The following TMC5 variants were observed in gnomAD, a reference collection of about 807,000 sequenced individuals.
TMC5 encodes the protein transmembrane channel like 5.
Under a neutral mutation model 110.5 loss-of-function variants are expected in TMC5, and 86 were observed. The observed-to-expected ratio is 0.78, with a 90% CI of 0.65 to 0.93. The LOEUF (loss-of-function observed/expected upper bound fraction) is 0.93. TMC5 is among the 40% of genes least tolerant of loss of function. The pLI is 0.00. For missense variants in TMC5, 1,144 were observed against 1,222.8 expected, an observed-to-expected ratio of 0.94 and a Z score of 0.96; for synonymous variants, 455 against 439.5, an observed-to-expected ratio of 1.04 and a Z score of -0.44.
At chr16:19,476,752 T>C (rs1395258940) in intron 12 of TMC5, among the ~76,000 whole-genome samples, 1 of 152,234 alleles carries the variant, frequency 6.6e-6, no homozygotes, top group Non-Finnish European at 1.5e-5. Flanking sequence ...CAGATCTCAG[T>C]GGCTTCGAAC....
At chr16:19,443,996 A>AATGGATGGATGG (rs144130376) in intron 3 of TMC5, 85 bp from the exon 4 acceptor site, 31,450 of 1,158,334 alleles carry the variant, frequency 0.027, 1,681 homozygotes, top group African/African-American at 0.21. Context: ...TACATGATTG[A>AATGGATGGATGG]ATGGATGGAT....
chr16:19,489,647 T>A (rs995580501), intron 17 of TMC5, among the ~76,000 whole-genome samples: 2 of 93,090 alleles, frequency 2.1e-5, no homozygotes, highest in Non-Finnish European at 4.3e-5. Flanking sequence ...CTGGCTAATT[T>A]TTTTTTTTTT....
chr16:19,467,455 T>TA (rs1056223069), intron 9 of TMC5, among the ~76,000 whole-genome samples: 50 of 152,054 alleles, frequency 3.3e-4, no homozygotes, highest in Admixed American at 9.2e-4. Flanking sequence ...GACCCCATTT[T>TA]AAAAAAATGT....
chr16:19,427,409 G>A (rs1967107369), intron 1 of TMC5, among the ~76,000 whole-genome samples: 1 of 152,178 alleles, frequency 6.6e-6, no homozygotes, highest in Non-Finnish European at 1.5e-5. Context: ...CTATCATCGT[G>A]CCACTGCACA....
At chr16:19,438,390 CAAAAA>C (rs60807937) in intron 2 of TMC5, among the ~76,000 whole-genome samples, 2 of 60,046 alleles carry the variant, frequency 3.3e-5, no homozygotes, top group Admixed American at 2.3e-4. Flanking sequence ...GACACCCTGT[CAAAAA>C]AAAAAAAAAA....
At chr16:19,456,518 A>G (rs1222213013) in intron 5 of TMC5, 1 of 1,365,618 alleles carries the variant, frequency 7.3e-7, no homozygotes, top group African/African-American at 1.5e-5. Context: ...GCAGGGAGTT[A>G]TGTTGTGATT....
chr16:19,467,719 T>C (rs907248891), intron 9 of TMC5, among the ~76,000 whole-genome samples: 13 of 152,034 alleles, frequency 8.6e-5, no homozygotes, highest in Admixed American at 5.2e-4. Flanking sequence ...TGACCTTAAG[T>C]GATCCACCCG....
chr16:19,459,381 AG>A (rs1341768665), intron 5 of TMC5, among the ~76,000 whole-genome samples: 1 of 152,134 alleles, frequency 6.6e-6, no homozygotes, highest in Non-Finnish European at 1.5e-5. Flanking sequence ...GGAGAAAAGG[AG>A]GGTGTACTTC....
chr16:19,434,352 C>A (rs1189045491), intron 2 of TMC5, among the ~76,000 whole-genome samples: 10 of 104,314 alleles, frequency 9.6e-5, no homozygotes, highest in East Asian at 2.6e-4. Context: ...ATTATATGAT[C>A]TATATTATAT....
chr16:19,487,637 G>C (rs1968780978), intron 17 of TMC5, among the ~76,000 whole-genome samples: 1 of 151,950 alleles, frequency 6.6e-6, no homozygotes. Context: ...GGGAGGTGGA[G>C]GTTGCAGTGA....
intron 1 of TMC5, among the ~76,000 whole-genome samples, chr16:19,429,616 G>C (rs988526122): frequency 2.0e-5 from 3 of 152,238 alleles, no homozygotes; most frequent in Non-Finnish European, 4.4e-5. Flanking sequence ...TCATCCTTGT[G>C]TTGGAGTTGT....
chr16:19,418,604 T>A (rs979839036), intron 1 of TMC5, among the ~76,000 whole-genome samples: 10 of 151,488 alleles, frequency 6.6e-5, no homozygotes, highest in African/African-American at 1.9e-4. Context: ...TTCTGAGATT[T>A]AAAAAAAAAT....
intron 14 of TMC5, among the ~76,000 whole-genome samples, chr16:19,480,804 C>CAAA (rs34237812): frequency 4.0e-5 from 3 of 75,208 alleles, no homozygotes; most frequent in South Asian, 4.5e-4. Context: ...GACTCCATCT[C>CAAA]AAAAAAAAAA....
At chr16:19,447,468 A>G (rs548916258) in intron 4 of TMC5, among the ~76,000 whole-genome samples, 3 of 152,342 alleles carry the variant, frequency 2.0e-5, no homozygotes, top group South Asian at 2.1e-4. Context: ...TTAATCTACT[A>G]TAACAGTTAA....
chr16:19,471,921 C>A (rs1219699961), intron 10 of TMC5, among the ~76,000 whole-genome samples, 167 bp from the exon 11 acceptor site: 2 of 152,084 alleles, frequency 1.3e-5, no homozygotes, highest in African/African-American at 4.8e-5. Flanking sequence ...CCACCACGCC[C>A]GGCTAATTTT....
intron 5 of TMC5, among the ~76,000 whole-genome samples, chr16:19,459,417 G>A (rs1967964173): frequency 1.3e-5 from 2 of 152,186 alleles, no homozygotes; most frequent in Non-Finnish European, 2.9e-5. Context: ...GGCATTCAGC[G>A]ATAGTCAAGG....
chr16:19,471,227 A>G (rs1434668358), intron 10 of TMC5, among the ~76,000 whole-genome samples: 1 of 152,060 alleles, frequency 6.6e-6, no homozygotes, highest in Non-Finnish European at 1.5e-5. Context: ...AGTAGTGGGG[A>G]CTATGGGTGC....
chr16:19,465,661 C>T (rs561044592), intron 8 of TMC5, among the ~76,000 whole-genome samples: 1 of 152,276 alleles, frequency 6.6e-6, no homozygotes, highest in South Asian at 2.1e-4. Flanking sequence ...CTGATGATTT[C>T]CTAGTGGTTT....
At chr16:19,451,902 G>A (rs1175638860) in intron 5 of TMC5, among the ~76,000 whole-genome samples, 2 of 152,152 alleles carry the variant, frequency 1.3e-5, no homozygotes, top group Non-Finnish European at 2.9e-5. Flanking sequence ...AGGTTCAAGC[G>A]ATTCTTGTGC....
Sources: gnomAD v4.1 joint callset for allele counts (sites outside exome capture counted in the v4.1 genomes callset) on GRCh38, gnomAD v4.1.1 for gene constraint, MANE v1.5 for transcripts, NCBI Gene and HGNC (gene_info 2026-07-23, HGNC 2026-07-21) for gene names.